The following JADE2 variants were observed in gnomAD, a reference collection of about 807,000 sequenced individuals.
JADE2 encodes the protein E3 ubiquitin-protein ligase Jade-2.
Under a neutral mutation model 85.7 loss-of-function variants are expected in JADE2, and 13 were observed. The ratio of observed to expected loss-of-function variants is 0.15; its 90% confidence interval spans 0.10 to 0.24. The LOEUF (loss-of-function observed/expected upper bound fraction) is 0.24. JADE2 is among the 10% of genes least tolerant of loss of function. The probability of loss-of-function intolerance (pLI) is 1.00; values close to 1 mark genes in which losing one functional copy is unlikely to be tolerated. For missense variants in JADE2, 846 were observed against 1,115.9 expected, an observed-to-expected ratio of 0.76 and a Z score of 3.45; for synonymous variants, 440 against 456.1, an observed-to-expected ratio of 0.96 and a Z score of 0.45.
At chr5:134,524,168 C>G (rs1350450701), upstream of JADE2, 1 of 152,260 alleles carries the variant, frequency 6.6e-6, no homozygotes, top group Non-Finnish European at 1.5e-5. Flanking sequence ...AGACCCACCC[C>G]CTCCCCAGCT....
In JADE2 at chr5:134,532,939, T is replaced by C. The variant is rs375475223; in HGVS notation, c.1-2919T>C. Among the ~76,000 whole-genome samples the C allele has an allele frequency of 1.5e-4, 23 of 152,200 alleles. No homozygotes were observed. In the East Asian group the frequency reaches 1.9e-3, roughly 13 times the overall value. The stretch of plus-strand genomic sequence containing the variant: ...GCTTCCTTCTCAAGCCTAGTTGTTA[T>C]AACAATTAAGCCACCACAAAATCTG... On this transcript the variant is annotated intron_variant, in intron 1 of 11. Transcript: ENST00000681547.
At chr5:134,547,834 C>T (rs371521913) in intron 3 of JADE2, among the ~76,000 whole-genome samples, 18 of 152,316 alleles carry the variant, frequency 1.2e-4, no homozygotes, top group Admixed American at 3.3e-4. Flanking sequence ...TCCAGCCCTG[C>T]GGCTCAGCCA....
intron 1 of JADE2, among the ~76,000 whole-genome samples, chr5:134,533,314 A>T (rs572960240): frequency 1.3e-5 from 2 of 152,290 alleles, no homozygotes; most frequent in South Asian, 4.1e-4. Context: ...TGGCCCACAG[A>T]TGTGTTTAGT....
chr5:134,537,967 A>G, intron 2 of JADE2, 22 bp from the exon 3 acceptor site: 2 of 1,601,456 alleles, frequency 1.2e-6, no homozygotes, highest in Non-Finnish European at 1.7e-6. Flanking sequence ...AGGACCCCTA[A>G]TGGACTGTTC....
At chr5:134,541,272 C>T (rs1761947171) in intron 3 of JADE2, among the ~76,000 whole-genome samples, 1 of 152,230 alleles carries the variant, frequency 6.6e-6, no homozygotes, top group Non-Finnish European at 1.5e-5. Context: ...CAAGGTTGAG[C>T]CGTGGCCGGC....
At position 134,566,516 on chromosome 5, in the gene JADE2, A is replaced by G; in HGVS notation, c.1370A>G (p.Gln457Arg). The G allele has an allele frequency of 1.2e-6, 2 of 1,604,786 alleles. No individual in the cohort carries two copies. The highest frequency in any genetic ancestry group is 1.7e-6 in the Non-Finnish European group (2 of 1,175,638). ...GACGAGGTGGACAACCTGGCCCAGC[A>G]GGAGCAGGACGTCCTCTACCGCCGC... ...KTDEVDNLAQ[Q>R]EQDVLYRRLK... The change falls in exon 9 of 12, where the codon CAG becomes CGG. Residue 457 changes from glutamine to arginine, a missense_variant. By Grantham distance (43) the Gln-to-Arg change is conservative. Around this residue, in one of 9 missense-constraint regions of JADE2, gnomAD observed 88 missense variants for 140.6 expected, o/e 0.63. Coordinates refer to ENST00000681547, the MANE Select transcript of JADE2 (RefSeq NM_001388185.1). This position sits in a 1 kb window ranked among gnomAD's most constrained non-coding sequence, Gnocchi z 6.7.
In JADE2 at chr5:134,571,398, CTG is replaced by C. The variant is rs1419480983; in HGVS notation, c.1435-2244_1435-2243del. Among the ~76,000 whole-genome samples the C allele has an allele frequency of 2.6e-5, 4 of 152,332 alleles. No individual in the cohort carries two copies. The East Asian group carries it at 7.7e-4, about 29-fold the overall frequency. On this transcript the variant is annotated intron_variant, in intron 9 of 11. Transcript: ENST00000681547. The stretch of plus-strand genomic sequence containing the variant: ...GGGAGAAGGGAAGTGTCTCACTACT[CTG>C]TGAAAATCCAGCCCTGGGCCGGGCG...
rs571024049 is a variant in JADE2 at position 134,551,193 on chromosome 5, C to A, written c.154-859C>A. On this transcript the variant is annotated intron_variant, in intron 3 of 11. Transcript: ENST00000681547. ...TCAGTGGAAATGTCTTGAACAGTCA[C>A]GTAATGGCAGTATTTTTTATTTTAT... 5.3e-5 allele frequency among the ~76,000 whole-genome samples: 8 copies of A among 150,500 alleles called. No homozygotes were observed. The South Asian group carries it at 1.5e-3, about 28-fold the overall frequency.
chr5:134,534,441 A>G (rs1275691869), intron 1 of JADE2, among the ~76,000 whole-genome samples: 4 of 152,072 alleles, frequency 2.6e-5, no homozygotes, highest in African/African-American at 7.2e-5. Context: ...GGCAGCCTCA[A>G]TGAGCCTTCC....
chr5:134,545,409 G>GT (rs1300765985), intron 3 of JADE2, among the ~76,000 whole-genome samples: 303 of 144,342 alleles, frequency 2.1e-3, no homozygotes, highest in African/African-American at 6.4e-3. Context: ...CGTTGAGTGG[G>GT]GTTTTTTTTT....
rs972622070 is a variant in JADE2 at position 134,562,378 on chromosome 5, G to C, written c.852+11G>C. On this transcript the variant is annotated intron_variant, in intron 7 of 11. Transcript: ENST00000681547. This position sits in a 1 kb window ranked among gnomAD's most constrained non-coding sequence, Gnocchi z 4.6. ...CTATGGATTCCTGAGGTGGGTGAGC[G>C]TGGAGGTGAGGCAGCCCAAGGAATA... 2 of 1,602,708 alleles carry C rather than the reference G, an allele frequency of 1.2e-6. 1 individual carries two copies. Among genetic ancestry groups the C allele is most frequent in the East Asian group, 4.5e-5 (2 of 44,674 alleles).
rs577642779 is a variant in JADE2, at chr5:134,551,376, G to A, written c.154-676G>A. 2.5e-3 allele frequency among the ~76,000 whole-genome samples: 384 copies of A among 152,076 alleles called. 3 individuals are homozygous for A. Among genetic ancestry groups the A allele is most frequent in the Non-Finnish European group, 4.4e-3 (297 of 67,982 alleles). ...CCAGAGTAGCTGGGACCCCAGGCATGTGCGACCACACCCAGCTACTTTTTA... is the reference window on the plus strand; with the variant it reads ...CCAGAGTAGCTGGGACCCCAGGCATATGCGACCACACCCAGCTACTTTTTA... On this transcript the variant is annotated intron_variant, in intron 3 of 11. Transcript: ENST00000681547.
intron 1 of JADE2, chr5:134,533,722 T>G (rs1761397286): frequency 5.1e-6 from 1 of 196,952 alleles, no homozygotes; most frequent in African/African-American, 2.4e-5. Context: ...CAGTCAGCCT[T>G]TGTCACACTC....
intron 11 of JADE2, among the ~76,000 whole-genome samples, chr5:134,577,866 G>T (rs1006159785): frequency 6.6e-6 from 1 of 151,738 alleles, no homozygotes; most frequent in Non-Finnish European, 1.5e-5. Flanking sequence ...ATCCAGGAGG[G>T]ACTGGATACT....
chr5:134,579,345 GC>G lies in JADE2; in HGVS notation c.*31del. 6.6e-7 allele frequency: 1 copy of G among 1,510,768 alleles called. No individual in the cohort carries two copies. The highest frequency in any genetic ancestry group is 8.9e-7 in the Non-Finnish European group (1 of 1,124,976). 93.6% of individuals were successfully genotyped at this position (1,510,768 alleles called of 1,614,324 possible). On this transcript the variant is annotated 3_prime_UTR_variant, in exon 12 of 12. Transcript: ENST00000681547. The surrounding 1 kb of genome is among the most constrained non-coding windows in gnomAD (Gnocchi z 4.6). The stretch of plus-strand genomic sequence containing the variant: ...CACCCCCTTCCCTGTCCCAGGCCCT[GC>G]CCTGGTCCCCCCACAAGGCCTCAGC...
intron 4 of JADE2, among the ~76,000 whole-genome samples, chr5:134,559,062 G>A (rs913234638): frequency 6.6e-6 from 1 of 152,196 alleles, no homozygotes; most frequent in African/African-American, 2.4e-5. Flanking sequence ...TGTATCCAAG[G>A]GATTTGGCCT....
At position 134,581,771 on chromosome 5, in the gene JADE2, C is replaced by A. The variant is rs1212762503; in HGVS notation, c.*2454C>A. ...GGCTGCTGCGAGGGGAGGGGGGTGG[C>A]CTTTCATTTGGGGTGCCCTTTCACT... On this transcript the variant is annotated 3_prime_UTR_variant, in exon 12 of 12. Transcript: ENST00000681547. The A allele has an allele frequency of 6.5e-6, 1 of 153,824 alleles. No individual in the cohort carries two copies. Among genetic ancestry groups the A allele is most frequent in the African/African-American group, 2.4e-5 (1 of 41,458 alleles). 9.5% of individuals were successfully genotyped at this position (153,824 alleles called of 1,614,324 possible).
In JADE2 at chr5:134,526,882, GGCGGCGGCCGGA is replaced by G. The variant is rs1270687462; in HGVS notation, c.-1+879_-1+890del. ...GGCGCTGGGAGAGTGGAAATGTACC[GGCGGCGGCCGGA>G]GCGGCGGGTGCGCGCCCGCGGGGCG... On this transcript the variant is annotated intron_variant, in intron 1 of 11. Coordinates refer to ENST00000681547, the MANE Select transcript of JADE2 (RefSeq NM_001388185.1). The G allele has an allele frequency of 8.3e-6, 5 of 604,056 alleles. No individual in the cohort carries two copies. In the African/African-American group the frequency reaches 1.0e-4, roughly 12 times the overall value. The allele number at this position is 604,056 out of a possible 1,614,324, so 37.4% of individuals were successfully genotyped here.
intron 3 of JADE2, among the ~76,000 whole-genome samples, chr5:134,539,275 G>C (rs1046982219): frequency 2.0e-5 from 3 of 152,122 alleles, no homozygotes; most frequent in Admixed American, 6.5e-5. Context: ...GTGTTAGCCA[G>C]GATGGTCTCG....
Sources: gnomAD v4.1 joint callset for allele counts (sites outside exome capture counted in the v4.1 genomes callset) on GRCh38, gnomAD v4.1.1 for gene constraint, gnomAD v4.1.1 regional missense constraint, Gnocchi (gnomAD v3.1) non-coding constraint, MANE v1.5 for transcripts, NCBI Gene and HGNC (gene_info 2026-07-23, HGNC 2026-07-21) for gene names.